ADK: variants seen among roughly 807,000 people sequenced by gnomAD.
The protein encoded by ADK is adenosine kinase.
Under a neutral mutation model 44.7 loss-of-function variants are expected in ADK, and 24 were observed. That is an observed-to-expected ratio of 0.54 (90% CI 0.39 to 0.76). The LOEUF (loss-of-function observed/expected upper bound fraction) is 0.76. ADK is among the 30% of genes least tolerant of loss of function. The probability of loss-of-function intolerance (pLI) is 0.00; values close to 1 mark genes in which losing one functional copy is unlikely to be tolerated. For synonymous variants in ADK, 128 were observed against 142.6 expected (o/e 0.90, Z 0.73); for missense variants, 321 against 425.1 (o/e 0.76, Z 2.15).
At chr10:74,378,975 TAG>T (rs1842899175) in intron 4 of ADK, among the ~76,000 whole-genome samples, 2 of 152,096 alleles carry the variant, frequency 1.3e-5, no homozygotes, top group East Asian at 1.9e-4. Flanking sequence ...TAAAATCCTG[TAG>T]AGAGTTCAGA....
chr10:74,246,102 C>T (rs1213277817), intron 3 of ADK, among the ~76,000 whole-genome samples: 4 of 151,778 alleles, frequency 2.6e-5, no homozygotes, highest in Non-Finnish European at 4.4e-5. Context: ...GATTGTGATT[C>T]AAGGGCCTCT....
chr10:74,579,401 C>T (rs1851302837), intron 7 of ADK, among the ~76,000 whole-genome samples: 1 of 151,518 alleles, frequency 6.6e-6, no homozygotes, highest in Non-Finnish European at 1.5e-5. Context: ...AAAATGGATC[C>T]ACACTGAACT....
intron 6 of ADK, among the ~76,000 whole-genome samples, chr10:74,524,191 A>G (rs915106310): frequency 9.2e-5 from 14 of 152,238 alleles, no homozygotes; most frequent in African/African-American, 3.4e-4. Context: ...GACTTTCATT[A>G]ATATTAAAGC....
At chr10:74,265,362 C>T (rs1158591587) in intron 3 of ADK, among the ~76,000 whole-genome samples, 5 of 151,830 alleles carry the variant, frequency 3.3e-5, no homozygotes, top group African/African-American at 4.8e-5. Flanking sequence ...ACTACAGGTG[C>T]GCACCACCAC....
chr10:74,252,114 C>T (rs930425516), intron 3 of ADK, among the ~76,000 whole-genome samples: 1 of 151,946 alleles, frequency 6.6e-6, no homozygotes, highest in East Asian at 1.9e-4. Context: ...CACCTCCTCT[C>T]CCCTCATTTT....
At chr10:74,380,757 C>CA (rs201019361) in intron 4 of ADK, among the ~76,000 whole-genome samples, 368 of 148,844 alleles carry the variant, frequency 2.5e-3, no homozygotes, top group Middle Eastern at 0.01. Flanking sequence ...GACCCTGTCT[C>CA]AAAAAAAAAC....
At chr10:74,456,470 C>T (rs1329796381) in intron 6 of ADK, among the ~76,000 whole-genome samples, 1 of 151,808 alleles carries the variant, frequency 6.6e-6, no homozygotes, top group Non-Finnish European at 1.5e-5. Flanking sequence ...GTCAGGAGAT[C>T]GAGACCATCC....
At position 74,269,272 on chromosome 10, in the gene ADK, A is replaced by G. The variant is rs577153067; in HGVS notation, c.194+44681A>G. Among the ~76,000 whole-genome samples, 12 of 152,342 alleles carry G rather than the reference A, an allele frequency of 7.9e-5. No individual in the cohort carries two copies. In the South Asian group the frequency reaches 2.5e-3, roughly 32 times the overall value. ...TAGAGATTTAGTAACCTACATTTCC[A>G]ATAACTAACAATACATATGAAACTC... is the stretch of plus-strand genomic sequence containing the variant. On this transcript the variant is annotated intron_variant, in intron 3 of 10. Coordinates refer to ENST00000539909, the MANE Select transcript of ADK (RefSeq NM_006721.4).
Position 74,464,554 on chromosome 10 carries a change from T to C in ADK, c.556-60702T>C, listed in dbSNP as rs542017175. Among the ~76,000 whole-genome samples, 4 of 152,304 alleles carry C rather than the reference T, an allele frequency of 2.6e-5. No individual in the cohort carries two copies. The South Asian group carries it at 8.3e-4, about 32-fold the overall frequency. ...CAGCCTTGGTGATACAGCGAGACCA[T>C]GTCTTTAAAAAAATAAAATAAGAAT... On this transcript the variant is annotated intron_variant, in intron 6 of 10. Coordinates refer to ENST00000539909, the MANE Select transcript of ADK (RefSeq NM_006721.4).
At chr10:74,478,411 A>T (rs922917149) in intron 6 of ADK, among the ~76,000 whole-genome samples, 2 of 152,122 alleles carry the variant, frequency 1.3e-5, no homozygotes, top group African/African-American at 4.8e-5. Context: ...TTTCATAGAG[A>T]TGAGTGTCAG....
chr10:74,573,675 G>T (rs1851058243), intron 7 of ADK, among the ~76,000 whole-genome samples: 1 of 152,232 alleles, frequency 6.6e-6, no homozygotes, highest in South Asian at 2.1e-4. Context: ...GGAGCTTCCT[G>T]GCTGCTTTGT....
At chr10:74,262,313 C>CAAAAAAAAA (rs35282438) in intron 3 of ADK, among the ~76,000 whole-genome samples, 1 of 107,642 alleles carries the variant, frequency 9.3e-6, no homozygotes, top group African/African-American at 3.4e-5. Context: ...GACTTCATCT[C>CAAAAAAAAA]AAAAAAAAAA....
At chr10:74,563,880 TTTTA>T (rs527888003) in intron 7 of ADK, among the ~76,000 whole-genome samples, 5 of 152,148 alleles carry the variant, frequency 3.3e-5, no homozygotes, top group South Asian at 2.1e-4. Context: ...TTGGCTTCTT[TTTTA>T]TTTATTTATT....
At chr10:74,377,430 T>G (rs772392584) in intron 4 of ADK, among the ~76,000 whole-genome samples, 5 of 152,224 alleles carry the variant, frequency 3.3e-5, no homozygotes, top group African/African-American at 1.2e-4. Flanking sequence ...AGGGGTTACA[T>G]GTATGTATGA....
intron 10 of ADK, among the ~76,000 whole-genome samples, chr10:74,700,693 G>T (rs1379434707): frequency 6.6e-6 from 1 of 151,888 alleles, no homozygotes; most frequent in Non-Finnish European, 1.5e-5. Context: ...TTTACTAAAA[G>T]AATACAGGAA....
At chr10:74,682,214 C>T (rs1341598764) in intron 10 of ADK, among the ~76,000 whole-genome samples, 3 of 152,072 alleles carry the variant, frequency 2.0e-5, no homozygotes, top group Non-Finnish European at 4.4e-5. Flanking sequence ...AGCTTTCTTC[C>T]GAAATTAAGA....
chr10:74,410,074 T>G (rs1844114889), intron 6 of ADK, among the ~76,000 whole-genome samples: 1 of 152,162 alleles, frequency 6.6e-6, no homozygotes, highest in Non-Finnish European at 1.5e-5. Flanking sequence ...ATTTTACGTG[T>G]CAGTAATGTG....
intron 9 of ADK, among the ~76,000 whole-genome samples, chr10:74,646,730 A>T (rs1163835297): frequency 1.3e-5 from 2 of 152,186 alleles, no homozygotes; most frequent in Non-Finnish European, 2.9e-5. Context: ...CGCAGTGCAA[A>T]ATATTGAAGA....
chr10:74,266,384 C>T (rs1490213060), intron 3 of ADK, among the ~76,000 whole-genome samples: 1 of 152,032 alleles, frequency 6.6e-6, no homozygotes, highest in African/African-American at 2.4e-5. Flanking sequence ...TGATGAAACC[C>T]CGTCTCTACT....
Sources: gnomAD v4.1 joint callset for allele counts (sites outside exome capture counted in the v4.1 genomes callset) on GRCh38, gnomAD v4.1.1 for gene constraint, MANE v1.5 for transcripts, NCBI Gene and HGNC (gene_info 2026-07-23, HGNC 2026-07-21) for gene names.